MSRA: variants seen among roughly 807,000 people sequenced by gnomAD.
The protein encoded by MSRA is mitochondrial peptide methionine sulfoxide reductase.
A neutral mutation model predicts 31.3 loss-of-function variants in MSRA; 54 were observed. The observed-to-expected ratio is 1.73, with a 90% CI of 1.39 to 2.17. The LOEUF (loss-of-function observed/expected upper bound fraction) is 2.17, where lower values mean the gene tolerates loss of function less well. MSRA is among the 30% of genes most tolerant of loss of function. The pLI, the probability that MSRA is intolerant of heterozygous loss-of-function variation, is 0.00. For synonymous variants in MSRA, 169 were observed against 116.5 expected (o/e 1.45, Z -2.90); for missense variants, 507 against 300.9 (o/e 1.69, Z -5.07).
intron 5 of MSRA, among the ~76,000 whole-genome samples, chr8:10,344,900 A>T (rs563757642): frequency 1.3e-5 from 2 of 152,170 alleles, no homozygotes; most frequent in Non-Finnish European, 2.9e-5. Context: ...GTGGTTTAAG[A>T]CAAAAATAAT....
At chr8:10,312,573 A>C (rs896480775) in intron 4 of MSRA, among the ~76,000 whole-genome samples, 1 of 152,216 alleles carries the variant, frequency 6.6e-6, no homozygotes, top group Non-Finnish European at 1.5e-5. Flanking sequence ...CATAGTCTTG[A>C]TACCAAAACT....
intron 5 of MSRA, among the ~76,000 whole-genome samples, chr8:10,403,000 G>A (rs1424714079): frequency 6.6e-6 from 1 of 152,200 alleles, no homozygotes; most frequent in African/African-American, 2.4e-5. Flanking sequence ...CAGCTTCTAA[G>A]CAACCAGAAG....
intron 1 of MSRA, among the ~76,000 whole-genome samples, chr8:10,098,126 C>T (rs956458002): frequency 6.6e-6 from 1 of 151,982 alleles, no homozygotes; most frequent in Non-Finnish European, 1.5e-5. Context: ...TATTTTTAGA[C>T]CTTTTGTACT....
chr8:10,415,698 G>A (rs1808416844), intron 5 of MSRA, among the ~76,000 whole-genome samples: 1 of 151,786 alleles, frequency 6.6e-6, no homozygotes, highest in African/African-American at 2.4e-5. Flanking sequence ...CACCTGACTT[G>A]CCCTCCCTGC....
At chr8:10,340,493 C>G (rs1468143234) in intron 5 of MSRA, among the ~76,000 whole-genome samples, 5 of 152,202 alleles carry the variant, frequency 3.3e-5, no homozygotes, top group Admixed American at 3.3e-4. Context: ...GTCCTTCAGC[C>G]TCCAGAATAG....
chr8:10,232,025 G>A (rs374435760), intron 2 of MSRA, among the ~76,000 whole-genome samples: 35 of 152,348 alleles, frequency 2.3e-4, no homozygotes, highest in African/African-American at 7.0e-4. Flanking sequence ...CAGCTGTGAC[G>A]GCACTGGGGA....
chr8:10,242,135 G>A (rs564547911), intron 2 of MSRA, among the ~76,000 whole-genome samples: 2 of 152,244 alleles, frequency 1.3e-5, no homozygotes, highest in African/African-American at 4.8e-5. Flanking sequence ...GCCGGGCATG[G>A]TAGTACGCGC....
At chr8:10,204,951 G>A (rs1808824208) in intron 1 of MSRA, among the ~76,000 whole-genome samples, 1 of 152,186 alleles carries the variant, frequency 6.6e-6, no homozygotes, top group Admixed American at 6.5e-5. Flanking sequence ...TGGCATAAGT[G>A]CAAAGTGCTA....
At chr8:10,176,116 T>G (rs1387220003) in intron 1 of MSRA, among the ~76,000 whole-genome samples, 1 of 152,232 alleles carries the variant, frequency 6.6e-6, no homozygotes. Context: ...AATGGAAATC[T>G]GTGTTTAATG....
At chr8:10,291,357 T>C (rs925728371) in intron 3 of MSRA, among the ~76,000 whole-genome samples, 1 of 151,868 alleles carries the variant, frequency 6.6e-6, no homozygotes, top group Non-Finnish European at 1.5e-5. Context: ...TTTCAATCAA[T>C]AGGATGCTTT....
chr8:10,412,577 G>C (rs965102419), intron 5 of MSRA, among the ~76,000 whole-genome samples: 1 of 152,130 alleles, frequency 6.6e-6, no homozygotes, highest in Non-Finnish European at 1.5e-5. Flanking sequence ...GGAATATTTA[G>C]AGAACCCTCA....
At chr8:10,131,844 A>G (rs889292808) in intron 1 of MSRA, among the ~76,000 whole-genome samples, 3 of 152,256 alleles carry the variant, frequency 2.0e-5, no homozygotes, top group Admixed American at 1.3e-4. Context: ...TCTCAGAAGT[A>G]TAATCCCCAA....
intron 5 of MSRA, among the ~76,000 whole-genome samples, chr8:10,349,123 T>C (rs1307220615): frequency 6.6e-6 from 1 of 152,262 alleles, no homozygotes. Flanking sequence ...ATGCAAATTA[T>C]ACATGATAAT....
At chr8:10,278,263 G>A (rs1393144006) in intron 3 of MSRA, among the ~76,000 whole-genome samples, 1 of 152,148 alleles carries the variant, frequency 6.6e-6, no homozygotes, top group East Asian at 1.9e-4. Context: ...TGGGCCATCT[G>A]CTGCATAAAT....
At chr8:10,410,779 A>T (rs371887981) in intron 5 of MSRA, among the ~76,000 whole-genome samples, 10 of 152,312 alleles carry the variant, frequency 6.6e-5, no homozygotes, top group African/African-American at 2.2e-4. Context: ...CCATTTTTGT[A>T]ACTCCAGTTA....
chr8:10,320,143 T>TG, intron 5 of MSRA, 154 bp downstream of exon 5: 1 of 558,158 alleles, frequency 1.8e-6, no homozygotes, highest in South Asian at 2.6e-5. Context: ...GTGGAGCCAT[T>TG]GTGTCTAATA....
intron 5 of MSRA, among the ~76,000 whole-genome samples, chr8:10,388,798 G>A (rs1002760663): frequency 1.3e-5 from 2 of 151,854 alleles, no homozygotes; most frequent in African/African-American, 4.8e-5. Flanking sequence ...ACGCATGATG[G>A]GATGTTGACC....
chr8:10,095,916 A>G, intron 1 of MSRA: 2 of 1,337,810 alleles, frequency 1.5e-6, no homozygotes, highest in South Asian at 2.3e-5. Flanking sequence ...CAGGATTAAT[A>G]TAGAAGATGG....
chr8:10,425,901 C>G (rs1203497527), intron 5 of MSRA, among the ~76,000 whole-genome samples: 1 of 152,234 alleles, frequency 6.6e-6, no homozygotes, highest in African/African-American at 2.4e-5. Context: ...GTTCTCCGAA[C>G]TTGCCTTGGA....
Sources: gnomAD v4.1 joint callset for allele counts (sites outside exome capture counted in the v4.1 genomes callset) on GRCh38, gnomAD v4.1.1 for gene constraint, MANE v1.5 for transcripts, NCBI Gene and HGNC (gene_info 2026-07-23, HGNC 2026-07-21) for gene names.